The following ATG7 variants were observed in gnomAD, a reference collection of about 807,000 sequenced individuals.
ATG7 encodes the protein ubiquitin-like modifier-activating enzyme ATG7.
ATG7 carries 70 observed loss-of-function variants against 82.4 expected under a neutral mutation model. The observed-to-expected ratio is 0.85, with a 90% CI of 0.70 to 1.04. The LOEUF is 1.04. Among genes scored for constraint, ATG7 ranks in the 50% least tolerant of loss-of-function variants. The pLI, the probability that ATG7 is intolerant of heterozygous loss-of-function variation, is 0.00. For synonymous variants in ATG7, 287 were observed against 313.0 expected (o/e 0.92, Z 0.88); for missense variants, 792 against 864.3 (o/e 0.92, Z 1.05).
chr3:11,558,661 C>T, downstream of ATG7: 3 of 1,613,086 alleles, frequency 1.9e-6, no homozygotes, highest in Non-Finnish European at 1.7e-6. Flanking sequence ...ATGCTCCGTC[C>T]TTGGCCGCTT....
chr3:11,391,658 G>A (rs1050983713), intron 19 of ATG7, among the ~76,000 whole-genome samples: 1 of 152,156 alleles, frequency 6.6e-6, no homozygotes, highest in African/African-American at 2.4e-5. Flanking sequence ...AGCTATAAAT[G>A]GGTTGGAAGC....
At chr3:11,438,757 A>G (rs956986858) in intron 20 of ATG7, among the ~76,000 whole-genome samples, 2 of 152,110 alleles carry the variant, frequency 1.3e-5, no homozygotes, top group Admixed American at 6.5e-5. Flanking sequence ...AAGATCTAAT[A>G]TGTGAGAGAG....
chr3:11,518,476 G>A (rs2092345324), intron 20 of ATG7, among the ~76,000 whole-genome samples: 3 of 152,058 alleles, frequency 2.0e-5, no homozygotes, highest in Non-Finnish European at 2.9e-5. Flanking sequence ...GAACCCAGAA[G>A]GTAGAGGTTG....
At chr3:11,419,640 G>A (rs1441423479) in intron 19 of ATG7, among the ~76,000 whole-genome samples, 1 of 152,154 alleles carries the variant, frequency 6.6e-6, no homozygotes, top group Non-Finnish European at 1.5e-5. Context: ...GGAGATCTTA[G>A]ACTCTGTGAA....
intron 1 of ATG7, among the ~76,000 whole-genome samples, chr3:11,274,669 C>T (rs771459216): frequency 1.3e-5 from 2 of 152,088 alleles, no homozygotes; most frequent in African/African-American, 2.4e-5. Context: ...AAGATAGCTG[C>T]GTACCAATAT....
chr3:11,542,941 G>A (rs576909102), intron 20 of ATG7, among the ~76,000 whole-genome samples: 5 of 152,296 alleles, frequency 3.3e-5, no homozygotes, highest in Admixed American at 2.6e-4. Flanking sequence ...CATCTTTGTA[G>A]GGGGAGTGGG....
downstream of ATG7, chr3:11,558,427 T>C: frequency 2.2e-6 from 3 of 1,384,600 alleles, no homozygotes; most frequent in South Asian, 3.0e-5. Flanking sequence ...AACAACATGG[T>C]TTTTGCAAAT....
the ATG7 span, among the ~76,000 whole-genome samples, chr3:11,575,397 C>T: frequency 6.6e-6 from 1 of 152,192 alleles, no homozygotes; most frequent in Non-Finnish European, 1.5e-5. Flanking sequence ...CTCCAGCCTT[C>T]GAGTTTCTTT....
At chr3:11,407,881 G>A (rs908891892) in intron 19 of ATG7, among the ~76,000 whole-genome samples, 8 of 152,198 alleles carry the variant, frequency 5.3e-5, no homozygotes, top group African/African-American at 1.7e-4. Flanking sequence ...TTCAGGGCCT[G>A]TAGTGGGAGG....
At chr3:11,456,386 TGGTA>T (rs2085716330) in intron 20 of ATG7, among the ~76,000 whole-genome samples, 1 of 152,242 alleles carries the variant, frequency 6.6e-6, no homozygotes, top group Admixed American at 6.5e-5. Flanking sequence ...ATTCATCAGT[TGGTA>T]GGCATCTGGA....
At chr3:11,309,423 C>T (rs1232837630) in intron 7 of ATG7, among the ~76,000 whole-genome samples, 2 of 151,418 alleles carry the variant, frequency 1.3e-5, no homozygotes, top group Non-Finnish European at 2.9e-5. Flanking sequence ...GATCACACTG[C>T]ATAGCTTGAC....
chr3:11,314,451 G>A (rs1949114386), intron 8 of ATG7, among the ~76,000 whole-genome samples: 1 of 152,086 alleles, frequency 6.6e-6, no homozygotes, highest in African/African-American at 2.4e-5. Flanking sequence ...TTGTGGTTTT[G>A]TGGAACTAAT....
rs555561888 is a variant in ATG7 at position 11,468,085 on chromosome 3, T to C, written c.2079+41159T>C. On this transcript the variant is annotated intron_variant, in intron 20 of 20. Coordinates refer to ENST00000693202, the MANE Select transcript of ATG7 (RefSeq NM_001349232.2). ...CAGTTTGACTTGTGACATCAGAAGGTTGACAGGCAGAAGTCTGAGTCAGAA... is the reference window on the plus strand; with the variant it reads ...CAGTTTGACTTGTGACATCAGAAGGCTGACAGGCAGAAGTCTGAGTCAGAA... 3.9e-5 allele frequency among the ~76,000 whole-genome samples: 6 copies of C among 152,276 alleles called. 1 individual carries two copies. The highest frequency in any genetic ancestry group is 1.2e-4 in the African/African-American group (5 of 41,552).
At chr3:11,442,757 A>C (rs1406565828) in intron 20 of ATG7, among the ~76,000 whole-genome samples, 2 of 146,266 alleles carry the variant, frequency 1.4e-5, no homozygotes, top group African/African-American at 2.6e-5. Flanking sequence ...AAAAAAAAAA[A>C]AAAAAAAAAA....
chr3:11,474,567 T>C (rs1242803220), intron 20 of ATG7, among the ~76,000 whole-genome samples: 5 of 151,998 alleles, frequency 3.3e-5, no homozygotes, highest in African/African-American at 4.8e-5. Flanking sequence ...ACCACTATAC[T>C]CCAACCTGGG....
chr3:11,526,960 A>G (rs1188604986), intron 20 of ATG7, among the ~76,000 whole-genome samples: 2 of 149,724 alleles, frequency 1.3e-5, no homozygotes, highest in Admixed American at 1.3e-4. Context: ...GAGATGTTTA[A>G]TTTTTTGTCC....
chr3:11,409,099 G>A (rs2080640816), intron 19 of ATG7, among the ~76,000 whole-genome samples: 1 of 152,098 alleles, frequency 6.6e-6, no homozygotes, highest in Non-Finnish European at 1.5e-5. Context: ...CCTGCAGCTG[G>A]TCTTTTCATC....
At chr3:11,310,036 C>T (rs1307716482) in intron 7 of ATG7, among the ~76,000 whole-genome samples, 1 of 151,844 alleles carries the variant, frequency 6.6e-6, no homozygotes, top group African/African-American at 2.4e-5. Flanking sequence ...TGTGGTGGCG[C>T]CTGCCTGTGG....
intron 19 of ATG7, among the ~76,000 whole-genome samples, chr3:11,385,508 C>T (rs903649975): frequency 6.6e-6 from 1 of 152,188 alleles, no homozygotes; most frequent in Non-Finnish European, 1.5e-5. Flanking sequence ...GCCAGAGATA[C>T]AAAGATGATT....
Sources: allele counts gnomAD v4.1 joint callset (sites outside exome capture counted in the v4.1 genomes callset), GRCh38; gene constraint gnomAD v4.1.1; transcripts MANE v1.5; gene names NCBI Gene and HGNC (gene_info 2026-07-23, HGNC 2026-07-21).